Variants in PDXDC1 observed in about 807,000 individuals in gnomAD.
The protein encoded by PDXDC1 is pyridoxal-dependent decarboxylase domain-containing protein 1.
PDXDC1 carries 42 observed loss-of-function variants against 100.1 expected under a neutral mutation model. That is an observed-to-expected ratio of 0.42 (90% CI 0.33 to 0.54). PDXDC1 has a LOEUF of 0.54. Among genes scored for constraint, PDXDC1 ranks in the 20% least tolerant of loss-of-function variants. The probability of loss-of-function intolerance (pLI) is 0.10; values close to 1 mark genes in which losing one functional copy is unlikely to be tolerated. For synonymous variants in PDXDC1, 260 were observed against 371.7 expected (o/e 0.70, Z 3.46); for missense variants, 636 against 979.2 (o/e 0.65, Z 4.68).
Position 15,038,000 on chromosome 16 carries a change from A to G in PDXDC1, c.*1725A>G, listed in dbSNP as rs777791568. The G allele has an allele frequency of 1.9e-6, 3 of 1,574,484 alleles. No individual in the cohort carries two copies. Among genetic ancestry groups the G allele is most frequent in the Non-Finnish European group, 1.7e-6 (2 of 1,149,482 alleles). ...GCCCCACCAATGGTCTGTCAGGCCA[A>G]GAAGGTGCTTTCTTTGGTAATTCAT... On this transcript the variant is annotated 3_prime_UTR_variant, in exon 23 of 23. Transcript: ENST00000396410.
intron 16 of PDXDC1, chr16:15,136,134 G>A (rs1239077335): frequency 4.7e-6 from 7 of 1,486,494 alleles, no homozygotes; most frequent in African/African-American, 1.4e-5. Context: ...CTAGGCTCCT[G>A]GGGGCGGGTG....
intron 16 of PDXDC1, chr16:15,135,470 C>T (rs1191054241): frequency 8.3e-7 from 1 of 1,211,034 alleles, no homozygotes; most frequent in Non-Finnish European, 1.2e-6. Flanking sequence ...CCGAGAACCC[C>T]ATCCAGTTTT....
chr16:15,067,254 C>T (rs2045019123), intron 16 of PDXDC1, among the ~76,000 whole-genome samples: 2 of 151,550 alleles, frequency 1.3e-5, no homozygotes, highest in Non-Finnish European at 2.9e-5. Context: ...TAAATATCCT[C>T]ATTGAATATT....
rs986999661 is a variant in PDXDC1 at position 15,047,351 on chromosome 16, T to C, written c.1399+17295T>C. On this transcript the variant is annotated intron_variant, in intron 16 of 16. Transcript: ENST00000535621. ...CGAGGCAGACACGGCAGTGGTGGCA[T>C]CCTGTGTTCCCCTAACAGCTTCCAC... 3.0e-5 allele frequency: 25 copies of C among 844,548 alleles called. No homozygotes were observed. In the Admixed American group the frequency reaches 4.5e-4, roughly 15 times the overall value. The allele number at this position is 844,548 out of a possible 1,614,324, so 52.3% of individuals were successfully genotyped here. A position where few individuals can be genotyped will look rare whatever the true frequency, so the allele number is the denominator to read the frequency against.
intron 16 of PDXDC1, among the ~76,000 whole-genome samples, chr16:15,046,766 T>C (rs2044085483): frequency 6.7e-6 from 1 of 148,892 alleles, no homozygotes; most frequent in African/African-American, 2.5e-5. Context: ...TCCCAGCTAC[T>C]TGGGAGGCTG....
At chr16:15,074,759 C>T (rs1270834063) in intron 16 of PDXDC1, 6 of 1,614,038 alleles carry the variant, frequency 3.7e-6, no homozygotes, top group Non-Finnish European at 5.1e-6. Flanking sequence ...TAGGACAAAA[C>T]CAAAGACATC....
At chr16:15,119,857 G>C (rs1324544011) in intron 16 of PDXDC1, among the ~76,000 whole-genome samples, 1 of 150,758 alleles carries the variant, frequency 6.6e-6, no homozygotes, top group Admixed American at 6.7e-5. Flanking sequence ...AGCCTCCTGA[G>C]TAGCTGGGAG....
intron 1 of PDXDC1, among the ~76,000 whole-genome samples, chr16:14,978,565 A>G (rs1967231493): frequency 1.3e-5 from 2 of 152,252 alleles, no homozygotes; most frequent in African/African-American, 4.8e-5. Context: ...AATTAAAACA[A>G]TTTTTTTGTT....
intron 1 of PDXDC1, among the ~76,000 whole-genome samples, chr16:14,978,163 AGATGG>A (rs1370532322): frequency 6.6e-6 from 1 of 152,284 alleles, no homozygotes; most frequent in Non-Finnish European, 1.5e-5. Flanking sequence ...CCAATAAATC[AGATGG>A]GTTAATTGAG....
In PDXDC1 at chr16:15,036,355, C is replaced by T. The variant is rs895865728; in HGVS notation, c.*80C>T. The T allele has an allele frequency of 1.1e-5, 14 of 1,280,294 alleles. No homozygotes were observed. The highest frequency in any genetic ancestry group is 2.2e-5 in the Admixed American group (1 of 45,890). The allele number at this position is 1,280,294 out of a possible 1,614,324, so 79.3% of individuals were successfully genotyped here. On this transcript the variant is annotated 3_prime_UTR_variant, in exon 23 of 23. Coordinates refer to ENST00000396410, the MANE Select transcript of PDXDC1 (RefSeq NM_015027.4). Reference sequence around the variant, plus strand: ...TCTATTGGAAATGTGAACTGTGCCACATACTAATATAAATTACTGTTGTTT... The same window carrying T: ...TCTATTGGAAATGTGAACTGTGCCATATACTAATATAAATTACTGTTGTTT...
chr16:15,035,871 C>T (rs1439840964), intron 22 of PDXDC1, 145 bp from the exon 23 acceptor site: 1 of 878,528 alleles, frequency 1.1e-6, no homozygotes, highest in Non-Finnish European at 1.8e-6. Context: ...TCTCGGTTTT[C>T]TCATCTCCTA....
At chr16:15,040,900 A>T (rs2043786856), downstream of PDXDC1, among the ~76,000 whole-genome samples, 1 of 152,160 alleles carries the variant, frequency 6.6e-6, no homozygotes, top group Non-Finnish European at 1.5e-5. Flanking sequence ...TAAAGCTTAG[A>T]GAAGTTAAGC....
rs553559987 is a variant in PDXDC1 at position 15,086,561 on chromosome 16, G to C, written c.1400-52318G>C. On this transcript the variant is annotated intron_variant, in intron 16 of 16. Transcript: ENST00000535621. ...TATCAAGAATAGGTTGGGGGGAAAA[G>C]GTCACAAACTTGGAAGGAACTCAAA... is the stretch of plus-strand genomic sequence containing the variant. 4.5e-4 allele frequency: 670 copies of C among 1,501,088 alleles called. 1 individual carries two copies. The highest frequency in any genetic ancestry group is 5.7e-4 in the Non-Finnish European group (641 of 1,114,998). 93.0% of individuals were successfully genotyped at this position (1,501,088 alleles called of 1,614,324 possible).
intron 1 of PDXDC1, chr16:14,988,534 A>G (rs1236540974): frequency 6.2e-7 from 1 of 1,613,738 alleles, no homozygotes; most frequent in African/African-American, 1.3e-5. Context: ...ACCATGACCG[A>G]GAAGGTGTGG....
intron 16 of PDXDC1, chr16:15,086,475 C>T (rs1464160716): frequency 3.1e-6 from 5 of 1,609,470 alleles, no homozygotes; most frequent in Non-Finnish European, 4.2e-6. Flanking sequence ...ACAAAGAGTA[C>T]TTTCAAAATC....
chr16:15,033,517 A>C, intron 19 of PDXDC1, 118 bp downstream of exon 19: 1 of 1,202,914 alleles, frequency 8.3e-7, no homozygotes, highest in Non-Finnish European at 1.2e-6. Context: ...AAAGTCTGTC[A>C]ATGTTTCCTG....
intron 16 of PDXDC1, among the ~76,000 whole-genome samples, chr16:15,129,676 C>T (rs1352710042): frequency 6.6e-6 from 1 of 152,170 alleles, no homozygotes; most frequent in Non-Finnish European, 1.5e-5. Flanking sequence ...GACTGACTGG[C>T]ACCTACTTCC....
chr16:14,980,851 T>TG (rs1289908019), intron 1 of PDXDC1, among the ~76,000 whole-genome samples: 2 of 152,280 alleles, frequency 1.3e-5, no homozygotes, highest in African/African-American at 2.4e-5. Flanking sequence ...CTGCCCACCT[T>TG]GGCCTCCCAA....
At position 15,134,952 on chromosome 16, in the gene PDXDC1, C is replaced by T. The variant is rs565394470; in HGVS notation, c.1400-3927C>T. ...GAGTGGGGAGCGTGAGGGTGAGAAC[C>T]GGCCCACCACATCCAGCAACAGGGA... On this transcript the variant is annotated intron_variant, in intron 16 of 16. Transcript: ENST00000535621. The T allele has an allele frequency of 2.8e-3, 1,117 of 396,732 alleles. 12 individuals carry two copies. Among genetic ancestry groups the T allele is most frequent in the African/African-American group, 0.018 (896 of 48,628 alleles). 24.6% of individuals were successfully genotyped at this position (396,732 alleles called of 1,614,324 possible).
Sources: allele counts gnomAD v4.1 joint callset (sites outside exome capture counted in the v4.1 genomes callset), GRCh38; gene constraint gnomAD v4.1.1; transcripts MANE v1.5; gene names NCBI Gene and HGNC (gene_info 2026-07-23, HGNC 2026-07-21).